The following KMT2C variants were observed in gnomAD, a reference collection of about 807,000 sequenced individuals.
KMT2C encodes the protein lysine methyltransferase 2C.
In KMT2C, 88 loss-of-function variants were observed where a neutral mutation model predicts 507.9. That is an observed-to-expected ratio of 0.17 (90% CI 0.15 to 0.21). The LOEUF is 0.21. Ranked by LOEUF, KMT2C falls within the 10% of genes least tolerant of loss-of-function variation. The pLI, the probability that KMT2C is intolerant of heterozygous loss-of-function variation, is 1.00. For missense variants in KMT2C, 4,954 were observed against 5,957.8 expected, an observed-to-expected ratio of 0.83 and a Z score of 5.55; for synonymous variants, 2,049 against 2,080.8, an observed-to-expected ratio of 0.98 and a Z score of 0.42.
intron 55 of KMT2C, among the ~76,000 whole-genome samples, chr7:152,140,174 T>C (rs894152300): frequency 1.3e-5 from 2 of 152,174 alleles, no homozygotes; most frequent in African/African-American, 2.4e-5. Flanking sequence ...AAAAAAGACA[T>C]AATAAATTCA....
intron 20 of KMT2C, among the ~76,000 whole-genome samples, chr7:152,223,165 C>T (rs2094826985): frequency 6.6e-6 from 1 of 152,126 alleles, no homozygotes; most frequent in South Asian, 2.1e-4. Context: ...CCCAAGAATA[C>T]TGTACTACTG....
At chr7:152,226,219 C>T (rs190567291) in intron 18 of KMT2C, among the ~76,000 whole-genome samples, 3,346 of 94,946 alleles carry the variant, frequency 0.035, 224 homozygotes, top group African/African-American at 0.13. Flanking sequence ...ATTACAAGGC[C>T]TTTTTTTTTT....
At chr7:152,391,909 T>A (rs76925548) in intron 1 of KMT2C, among the ~76,000 whole-genome samples, 1 of 144,382 alleles carries the variant, frequency 6.9e-6, no homozygotes, top group Non-Finnish European at 1.5e-5. Context: ...TCTGGAAAAA[T>A]TCTAGCTTTA....
At chr7:152,175,482 G>A (rs766145141) in intron 38 of KMT2C, among the ~76,000 whole-genome samples, 45 of 109,790 alleles carry the variant, frequency 4.1e-4, no homozygotes, top group African/African-American at 2.5e-3. Context: ...CCCCACCCCC[G>A]ACAGGTTCCA....
chr7:152,367,603 C>T, intron 1 of KMT2C: 2 of 1,318,874 alleles, frequency 1.5e-6, no homozygotes. Flanking sequence ...AGGTCCTTCT[C>T]ATAGAATTAA....
In KMT2C at chr7:152,177,129, T is replaced by C; in HGVS notation, c.8324A>G (p.Glu2775Gly). The C allele has an allele frequency of 6.2e-7, 1 of 1,613,436 alleles. No individual in the cohort carries two copies. Among genetic ancestry groups the C allele is most frequent in the Non-Finnish European group, 8.5e-7 (1 of 1,179,838 alleles). Residue 2775 changes from glutamate to glycine, a missense_variant, in exon 38 of 59, where the codon GAG becomes GGG. Glu to Gly is a moderately conservative substitution (Grantham distance 98). Transcript: ENST00000262189. ...ATCATCAATTGGAAGGTCTAGTTCC[T>C]CATTAAACATGCTTTTCTTATCTCC... ...DMGDKKSMFN[E>G]ELDLPIDDKL... is the part of the protein sequence containing the mutation.
chr7:152,328,661 T>C (rs2096852991), intron 3 of KMT2C, among the ~76,000 whole-genome samples: 1 of 152,154 alleles, frequency 6.6e-6, no homozygotes, highest in Non-Finnish European at 1.5e-5. Context: ...CAAATTGGAC[T>C]ATGGAAAGGT....
chr7:152,392,922 T>G (rs757151737), intron 1 of KMT2C, among the ~76,000 whole-genome samples: 18 of 152,150 alleles, frequency 1.2e-4, no homozygotes, highest in Non-Finnish European at 2.2e-4. Context: ...TAGTGATATC[T>G]TGTCTCTACT....
chr7:152,165,396 T>C (rs1464691372), intron 42 of KMT2C, among the ~76,000 whole-genome samples: 1 of 152,224 alleles, frequency 6.6e-6, no homozygotes, highest in African/African-American at 2.4e-5. Context: ...AAAGACCTTG[T>C]ACAAATATGC....
intron 2 of KMT2C, among the ~76,000 whole-genome samples, chr7:152,349,939 A>G (rs2097096674): frequency 6.6e-6 from 1 of 152,140 alleles, no homozygotes; most frequent in Non-Finnish European, 1.5e-5. Flanking sequence ...CTACAAACCT[A>G]AAATTGCTCT....
chr7:152,252,006 T>C lies in KMT2C; in HGVS notation c.1554A>G (p.Lys518=). Residue 518 remains lysine (K), a synonymous_variant, in exon 11 of 59, where the codon AAA becomes AAG. Transcript: ENST00000262189. ...AACGATCCATCTCAGCTCCCAGGTG[T>C]TTACAATACATGCAGATATACTCTT... ...LKEEYICMYC[K]HLGAEMDRLQ... is the part of the protein sequence containing the mutation. 6.2e-7 allele frequency: 1 copy of C among 1,613,288 alleles called. No homozygotes were observed. Among genetic ancestry groups the C allele is most frequent in the Non-Finnish European group, 8.5e-7 (1 of 1,179,536 alleles).
rs774010437 is a variant in KMT2C at position 152,176,152 on chromosome 7, C to T, written c.9262+39G>A. On this transcript the variant is annotated intron_variant, in intron 38 of 58. Transcript: ENST00000262189. ...AAGCATATCGCATGCCACTCTAATACCCATAGTAATATACGTTGAGACTCA... is the reference window on the plus strand; with the variant it reads ...AAGCATATCGCATGCCACTCTAATATCCATAGTAATATACGTTGAGACTCA... The T allele has an allele frequency of 5.9e-6, 9 of 1,523,708 alleles. No individual in the cohort carries two copies. The Admixed American group carries it at 1.3e-4, about 21-fold the overall frequency. The allele number at this position is 1,523,708 out of a possible 1,614,324, so 94.4% of individuals were successfully genotyped here.
At chr7:152,191,125 T>G (rs2093779402) in intron 31 of KMT2C, among the ~76,000 whole-genome samples, 1 of 152,224 alleles carries the variant, frequency 6.6e-6, no homozygotes, top group African/African-American at 2.4e-5. Flanking sequence ...TGGCAGTATA[T>G]TCTCTTAATA....
intron 1 of KMT2C, among the ~76,000 whole-genome samples, chr7:152,413,963 A>T (rs76326347): frequency 6.7e-6 from 1 of 149,666 alleles, no homozygotes; most frequent in Admixed American, 6.7e-5. Context: ...TGTAATCCCA[A>T]CTCTCTGGGA....
intron 58 of KMT2C, chr7:152,137,799 G>A (rs1298194787): frequency 6.6e-6 from 1 of 152,248 alleles, no homozygotes; most frequent in Non-Finnish European, 1.5e-5. Flanking sequence ...CCTGGGCTGA[G>A]TCTCTTCTGA....
chr7:152,160,487 T>G (rs1382541559), intron 43 of KMT2C, among the ~76,000 whole-genome samples: 1 of 152,112 alleles, frequency 6.6e-6, no homozygotes, highest in Non-Finnish European at 1.5e-5. Context: ...GGGATCTTCC[T>G]AAGTCTACAT....
chr7:152,140,764 G>A (rs2090445246), intron 55 of KMT2C, among the ~76,000 whole-genome samples: 1 of 152,162 alleles, frequency 6.6e-6, no homozygotes, highest in South Asian at 2.1e-4. Context: ...GGGAGCACAT[G>A]GTGGGAAGGG....
intron 1 of KMT2C, among the ~76,000 whole-genome samples, chr7:152,393,898 CAAAAAAAA>C (rs745616896): frequency 4.6e-5 from 3 of 65,306 alleles, no homozygotes; most frequent in South Asian, 5.1e-4. Context: ...AACTCCATCT[CAAAAAAAA>C]AAAAAAAAAA....
chr7:152,169,566 T>C (rs1383489531), intron 40 of KMT2C, among the ~76,000 whole-genome samples: 2 of 152,198 alleles, frequency 1.3e-5, no homozygotes, highest in Non-Finnish European at 2.9e-5. Context: ...GAGAGATCTA[T>C]ATAAAAAATC....
Sources: gnomAD v4.1 joint callset for allele counts (sites outside exome capture counted in the v4.1 genomes callset) on GRCh38, gnomAD v4.1.1 for gene constraint, MANE v1.5 for transcripts, NCBI Gene and HGNC (gene_info 2026-07-23, HGNC 2026-07-21) for gene names.